DLG2: variants seen among roughly 807,000 people sequenced by gnomAD.
DLG2 encodes disks large homolog 2.
DLG2 carries 45 observed loss-of-function variants against 132.5 expected under a neutral mutation model. The observed-to-expected ratio is 0.34, with a 90% CI of 0.27 to 0.44. The LOEUF is 0.44. DLG2 is among the 20% of genes least tolerant of loss of function. DLG2 has a pLI of 1.00. For missense variants in DLG2, 1,045 were observed against 1,196.9 expected (o/e 0.87, Z 1.87); for synonymous variants, 424 against 419.6 (o/e 1.01, Z -0.13).
At position 85,543,124 on chromosome 11, in the gene DLG2, C is replaced by T. The variant is rs529645499; in HGVS notation, c.40+55533G>A. Among the ~76,000 whole-genome samples, 81 of 152,236 alleles carry T rather than the reference C, an allele frequency of 5.3e-4. 3 individuals are homozygous for T. The highest frequency in any genetic ancestry group is 1.7e-3 in the African/African-American group (72 of 41,530). On this transcript the variant is annotated intron_variant, in intron 3 of 27. Transcript: ENST00000376104. ...TCTACATTAGGCATTTCTACTAATG[C>T]TATCCCTCCCCTAGGCCCCCATCCT...
intron 6 of DLG2, chr11:84,997,570 T>C (rs1156243894): frequency 6.6e-6 from 1 of 152,338 alleles, no homozygotes; most frequent in East Asian, 1.9e-4. Context: ...CAATATAACA[T>C]TGGTGTCTGG....
At chr11:85,341,762 A>G (rs2082519511) in intron 3 of DLG2, among the ~76,000 whole-genome samples, 1 of 152,232 alleles carries the variant, frequency 6.6e-6, no homozygotes, top group South Asian at 2.1e-4. Context: ...TATAAAAATC[A>G]TAGAGTGTAC....
At chr11:84,519,385 A>C (rs1034131440) in intron 7 of DLG2, among the ~76,000 whole-genome samples, 1 of 152,194 alleles carries the variant, frequency 6.6e-6, no homozygotes, top group African/African-American at 2.4e-5. Flanking sequence ...AGCATAAAGA[A>C]AACAGCCTTA....
intron 3 of DLG2, among the ~76,000 whole-genome samples, chr11:85,576,533 T>C (rs1313206729): frequency 1.3e-5 from 2 of 152,212 alleles, no homozygotes; most frequent in East Asian, 3.8e-4. Flanking sequence ...AAGAATCTAA[T>C]AATTTTGATT....
intron 6 of DLG2, among the ~76,000 whole-genome samples, chr11:85,052,331 C>T (rs368847870): frequency 8.5e-5 from 13 of 152,090 alleles, no homozygotes; most frequent in Admixed American, 7.2e-4. Flanking sequence ...TTACTACTCA[C>T]GAAGTGGTTG....
chr11:83,852,502 G>GA (rs2059946264), intron 16 of DLG2, among the ~76,000 whole-genome samples: 1 of 151,600 alleles, frequency 6.6e-6, no homozygotes, highest in South Asian at 2.1e-4. Flanking sequence ...AATTACTGTG[G>GA]AAAAAAAAGA....
intron 7 of DLG2, among the ~76,000 whole-genome samples, chr11:84,502,129 T>C (rs1268133967): frequency 1.3e-5 from 1 of 79,102 alleles, no homozygotes; most frequent in Non-Finnish European, 2.9e-5. Flanking sequence ...TCTCTTTCTC[T>C]CTTTCTCCTT....
At chr11:84,118,721 TA>T (rs944433027) in intron 9 of DLG2, among the ~76,000 whole-genome samples, 1 of 152,222 alleles carries the variant, frequency 6.6e-6, no homozygotes, top group African/African-American at 2.4e-5. Context: ...ATGGGGTACT[TA>T]CTTTCTTCTA....
intron 3 of DLG2, among the ~76,000 whole-genome samples, chr11:85,460,701 A>G (rs890218204): frequency 1.3e-5 from 2 of 152,150 alleles, no homozygotes; most frequent in South Asian, 4.1e-4. Flanking sequence ...TCAATATTTT[A>G]ATCAATTTGC....
intron 4 of DLG2, among the ~76,000 whole-genome samples, chr11:85,231,402 T>C (rs1401734295): frequency 6.6e-6 from 1 of 152,028 alleles, no homozygotes; most frequent in Admixed American, 6.6e-5. Flanking sequence ...ACTACTTCAT[T>C]CTTTTTTAAG....
chr11:85,049,031 T>C (rs1405273880), intron 6 of DLG2, among the ~76,000 whole-genome samples: 1 of 152,054 alleles, frequency 6.6e-6, no homozygotes, highest in Non-Finnish European at 1.5e-5. Flanking sequence ...TATGGTTGCT[T>C]TGTTCTTCAA....
intron 6 of DLG2, among the ~76,000 whole-genome samples, chr11:84,650,215 A>G (rs866318999): frequency 4.6e-5 from 7 of 152,032 alleles, no homozygotes; most frequent in Admixed American, 6.6e-5. Flanking sequence ...TGTTTAATCC[A>G]TTCTTTACCT....
intron 6 of DLG2, among the ~76,000 whole-genome samples, chr11:85,034,319 G>A (rs1040560897): frequency 1.3e-5 from 2 of 151,940 alleles, no homozygotes; most frequent in African/African-American, 2.4e-5. Context: ...CTCGTGATCC[G>A]CCTGCCTCGG....
chr11:85,445,979 C>T (rs1489950552), intron 3 of DLG2, among the ~76,000 whole-genome samples: 1 of 152,098 alleles, frequency 6.6e-6, no homozygotes, highest in Non-Finnish European at 1.5e-5. Flanking sequence ...AACAACTTGC[C>T]CAAAGCCACA....
chr11:85,380,396 T>C (rs1336729617), intron 3 of DLG2, among the ~76,000 whole-genome samples: 1 of 152,182 alleles, frequency 6.6e-6, no homozygotes, highest in Admixed American at 6.6e-5. Flanking sequence ...CAGTGGCTCA[T>C]GCCTGTAATT....
intron 18 of DLG2, among the ~76,000 whole-genome samples, chr11:83,708,026 A>T (rs998072573): frequency 4.6e-5 from 7 of 152,244 alleles, no homozygotes; most frequent in Admixed American, 3.3e-4. Flanking sequence ...AAAGCATGAT[A>T]CTAATTGTAT....
intron 22 of DLG2, 39 bp downstream of exon 22, chr11:83,484,090 T>C: frequency 6.4e-7 from 1 of 1,561,782 alleles, no homozygotes; most frequent in Non-Finnish European, 8.8e-7. Context: ...TTTTTTTCTC[T>C]TATGTTGCAT....
At chr11:85,412,300 G>C (rs932853688) in intron 3 of DLG2, among the ~76,000 whole-genome samples, 6 of 151,738 alleles carry the variant, frequency 4.0e-5, no homozygotes, top group Admixed American at 1.3e-4. Context: ...CAGACCATGA[G>C]GAAGAACAGC....
chr11:85,579,395 A>AT (rs1325139443), intron 3 of DLG2, among the ~76,000 whole-genome samples: 1 of 151,980 alleles, frequency 6.6e-6, no homozygotes, highest in African/African-American at 2.4e-5. Flanking sequence ...TAAAAGTTAA[A>AT]TTTAAAAAAA....
Sources: allele counts gnomAD v4.1 joint callset (sites outside exome capture counted in the v4.1 genomes callset), GRCh38; gene constraint gnomAD v4.1.1; transcripts MANE v1.5; gene names NCBI Gene and HGNC (gene_info 2026-07-23, HGNC 2026-07-21).